Variants in DCTN6 observed in about 807,000 individuals in gnomAD.
DCTN6 encodes the protein dynactin 6.
A neutral mutation model predicts 25.8 loss-of-function variants in DCTN6; 15 were observed. That is an observed-to-expected ratio of 0.58 (90% CI 0.39 to 0.89). DCTN6 has a LOEUF of 0.89. Among genes scored for constraint, DCTN6 ranks in the 40% least tolerant of loss-of-function variants. The pLI is 0.00. For missense variants in DCTN6, 198 were observed against 237.6 expected, an observed-to-expected ratio of 0.83 and a Z score of 1.09; for synonymous variants, 64 against 78.3, an observed-to-expected ratio of 0.82 and a Z score of 0.96.
At chr8:30,165,362 C>T (rs987816963) in intron 2 of DCTN6, among the ~76,000 whole-genome samples, 1 of 151,166 alleles carries the variant, frequency 6.6e-6, no homozygotes, top group Admixed American at 6.6e-5. Context: ...TGTATGCTAC[C>T]AGACTAAAGT....
intron 2 of DCTN6, among the ~76,000 whole-genome samples, chr8:30,164,506 G>A (rs1803639576): frequency 6.6e-6 from 1 of 152,224 alleles, no homozygotes; most frequent in South Asian, 2.1e-4. Context: ...TGCTGCCTTT[G>A]TGGAGCTTCG....
At chr8:30,164,078 C>G in intron 1 of DCTN6, 33 bp from the exon 2 acceptor site, 2 of 1,568,210 alleles carry the variant, frequency 1.3e-6, no homozygotes, top group Non-Finnish European at 1.8e-6. Flanking sequence ...TTTAATCTTA[C>G]CCCTGGTAAA....
At chr8:30,162,351 A>T (rs969645120) in intron 1 of DCTN6, among the ~76,000 whole-genome samples, 21 of 152,312 alleles carry the variant, frequency 1.4e-4, no homozygotes, top group African/African-American at 4.8e-4. Flanking sequence ...TTGGCCTCCC[A>T]AAGTCCTGGG....
intron 6 of DCTN6, among the ~76,000 whole-genome samples, chr8:30,181,836 G>GCT (rs199702947): frequency 0.011 from 1,584 of 150,468 alleles, 32 homozygotes; most frequent in East Asian, 0.056. Context: ...GCTGCAGTAA[G>GCT]CTGTTTGTAC....
At chr8:30,175,336 A>G (rs1803816554) in intron 3 of DCTN6, 146 bp downstream of exon 3, 4 of 640,908 alleles carry the variant, frequency 6.2e-6, no homozygotes, top group Non-Finnish European at 1.1e-5. Flanking sequence ...TTTCAACATA[A>G]GTAAATGAGC....
chr8:30,179,821 A>C (rs1450742516), intron 5 of DCTN6, among the ~76,000 whole-genome samples: 1 of 152,180 alleles, frequency 6.6e-6, no homozygotes, highest in Non-Finnish European at 1.5e-5. Context: ...CTTTAATTTC[A>C]GGAATACTTT....
chr8:30,171,267 A>G (rs996625762), intron 2 of DCTN6, among the ~76,000 whole-genome samples: 8 of 151,362 alleles, frequency 5.3e-5, no homozygotes, highest in African/African-American at 1.9e-4. Flanking sequence ...TTTTCCCCTC[A>G]GAGACAGTGT....
At chr8:30,171,979 G>A (rs1803770114) in intron 2 of DCTN6, among the ~76,000 whole-genome samples, 1 of 152,164 alleles carries the variant, frequency 6.6e-6, no homozygotes, top group Non-Finnish European at 1.5e-5. Flanking sequence ...GACAAGGGGG[G>A]TGGGGCTGGC....
In DCTN6 at chr8:30,164,166, G is replaced by A. The variant is rs1199471155; in HGVS notation, c.79G>A (p.Val27Ile). ...VCVESEIRGD[V>I]TIGPRTVIHP... ...TGTAGAAAGTGAAATCAGAGGAGAT[G>A]TAACTATCGGTAAGAAATAGTTTAT... The change falls in exon 2 of 7, where the codon GTA (valine) becomes ATA (isoleucine). Residue 27 changes from valine (V) to isoleucine (I), a missense_variant. Val to Ile is a conservative substitution (Grantham distance 29). Transcript: ENST00000221114. The A allele has an allele frequency of 1.9e-6, 3 of 1,610,342 alleles. No individual in the cohort carries two copies. The highest frequency in any genetic ancestry group is 1.1e-5 in the South Asian group (1 of 91,010).
At chr8:30,179,331 G>A in intron 4 of DCTN6, 77 bp from the exon 5 acceptor site, 2 of 1,240,780 alleles carry the variant, frequency 1.6e-6, no homozygotes, top group South Asian at 2.9e-5. Context: ...CTGTCCCAGT[G>A]CAATGTAAGT....
chr8:30,165,021 G>A (rs1030817436), intron 2 of DCTN6, among the ~76,000 whole-genome samples: 5 of 152,146 alleles, frequency 3.3e-5, no homozygotes, highest in Non-Finnish European at 7.4e-5. Context: ...ATGAGATCAG[G>A]GTTCTATTAC....
chr8:30,172,783 CT>C (rs1554488787), intron 2 of DCTN6, among the ~76,000 whole-genome samples: 4 of 152,146 alleles, frequency 2.6e-5, no homozygotes, highest in Non-Finnish European at 5.9e-5. Context: ...TACAGTGGAG[CT>C]TACATCTGGA....
intron 3 of DCTN6, among the ~76,000 whole-genome samples, chr8:30,176,076 T>C (rs1007175187): frequency 3.3e-5 from 5 of 152,206 alleles, no homozygotes; most frequent in Non-Finnish European, 5.9e-5. Flanking sequence ...GCAATAATTA[T>C]TTTATGTGAA....
chr8:30,173,997 G>C (rs1285273988), intron 2 of DCTN6, among the ~76,000 whole-genome samples: 1 of 152,156 alleles, frequency 6.6e-6, no homozygotes, highest in East Asian at 1.9e-4. Context: ...GATAAAGCTG[G>C]GAGGGAGTAT....
chr8:30,166,602 T>C (rs1803679375), intron 2 of DCTN6, among the ~76,000 whole-genome samples: 1 of 152,108 alleles, frequency 6.6e-6, no homozygotes, highest in South Asian at 2.1e-4. Flanking sequence ...TGCAGAAGCT[T>C]TTCTGGGCTG....
intron 1 of DCTN6, among the ~76,000 whole-genome samples, chr8:30,157,623 G>T (rs1803542967): frequency 1.3e-5 from 2 of 152,162 alleles, no homozygotes; most frequent in Non-Finnish European, 2.9e-5. Flanking sequence ...GGCGTGGAGT[G>T]GACAAGCTCC....
At chr8:30,166,550 T>C (rs890204300) in intron 2 of DCTN6, among the ~76,000 whole-genome samples, 6 of 151,826 alleles carry the variant, frequency 4.0e-5, no homozygotes, top group African/African-American at 1.5e-4. Flanking sequence ...AGGCATTATG[T>C]GGTGGGGGGG....
chr8:30,170,050 G>A (rs1803742092), intron 2 of DCTN6, among the ~76,000 whole-genome samples: 6 of 152,046 alleles, frequency 3.9e-5, no homozygotes, highest in Admixed American at 3.9e-4. Flanking sequence ...GTGGGCTCCT[G>A]TAGTCCCAGC....
chr8:30,167,024 G>A (rs1803686900), intron 2 of DCTN6, among the ~76,000 whole-genome samples: 1 of 148,870 alleles, frequency 6.7e-6, no homozygotes, highest in East Asian at 2.0e-4. Context: ...ACAGAAAGAA[G>A]GAGAGGAAAG....
Sources: gnomAD v4.1 joint callset for allele counts (sites outside exome capture counted in the v4.1 genomes callset) on GRCh38, gnomAD v4.1.1 for gene constraint, MANE v1.5 for transcripts, NCBI Gene and HGNC (gene_info 2026-07-23, HGNC 2026-07-21) for gene names.